PGPEP1L: variants seen among roughly 807,000 people sequenced by gnomAD.
PGPEP1L encodes pyroglutamyl-peptidase I like, also known as pyroglutamyl-peptidase 1-like protein.
In PGPEP1L, 7 loss-of-function variants were observed where a neutral mutation model predicts 6.0. That is an observed-to-expected ratio of 1.17 (90% CI 0.66 to 2.19). The LOEUF (loss-of-function observed/expected upper bound fraction) is 2.19, where lower values mean the gene tolerates loss of function less well. Ranked by LOEUF, PGPEP1L falls within the 30% of genes most tolerant of loss-of-function variation. PGPEP1L has a pLI of 0.00. For synonymous variants in PGPEP1L, 103 were observed against 83.9 expected (o/e 1.23, Z -1.24); for missense variants, 209 against 192.5 (o/e 1.09, Z -0.51).
Position 98,996,936 on chromosome 15 carries a change from G to A in PGPEP1L, c.-142+8493C>T, listed in dbSNP as rs11858013. On this transcript the variant is annotated intron_variant, in intron 2 of 4. Transcript: ENST00000535714. ...TAAGGGGTTTACATGTGTTAACTCC[G>A]TTAATCATCACACCTTCCCATTTCA... Among the ~76,000 whole-genome samples the A allele has an allele frequency of 5.3e-5, 8 of 152,200 alleles. No homozygotes were observed. In the South Asian group the frequency reaches 1.0e-3, roughly 20 times the overall value.
rs375184978 is a variant in PGPEP1L, at chr15:98,969,395, G to C, written c.209+30C>G. ...GACGGCCATTGCTTCTCTCCTACCT[G>C]CTCAGAGTCCTGACACCCACAGAGC... On this transcript the variant is annotated intron_variant, in intron 4 of 4. Coordinates refer to ENST00000535714, the MANE Select transcript of PGPEP1L (RefSeq NM_001167902.2). The C allele has an allele frequency of 5.0e-6, 8 of 1,612,166 alleles. No homozygotes were observed. The African/African-American group carries it at 1.1e-4, about 22-fold the overall frequency.
intron 1 of PGPEP1L, 136 bp downstream of exon 1, chr15:99,007,223 G>A (rs1377976521): frequency 6.6e-6 from 1 of 151,396 alleles, no homozygotes; most frequent in East Asian, 1.9e-4. Context: ...ACCTTGCCAT[G>A]AGTGGGATGC....
chr15:98,993,676 C>T (rs1423791430), intron 2 of PGPEP1L, among the ~76,000 whole-genome samples: 2 of 5,182 alleles, frequency 3.9e-4, no homozygotes, highest in African/African-American at 8.4e-4. Context: ...GCCTGTCAGG[C>T]GGTGGGGGGT....
At chr15:98,995,308 A>C (rs1370394608) in intron 2 of PGPEP1L, among the ~76,000 whole-genome samples, 1 of 152,110 alleles carries the variant, frequency 6.6e-6, no homozygotes, top group Admixed American at 6.6e-5. Flanking sequence ...TTTGTCTCTA[A>C]ACTTCTATAT....
intron 4 of PGPEP1L, 51 bp from the exon 5 acceptor site, chr15:98,968,748 A>C (rs2017443693): frequency 6.6e-7 from 1 of 1,505,940 alleles, no homozygotes; most frequent in African/African-American, 1.4e-5. Flanking sequence ...CTCTAACCTC[A>C]GTGAAACATA....
In PGPEP1L at chr15:99,005,676, C is replaced by T. The variant is rs2663121; in HGVS notation, c.-369-20G>A. ...AAGGATCTAGGGGAGGGTGATAAAGCAATGCCCCTTGAAAGCAGAACGATC... is the reference window on the plus strand; with the variant it reads ...AAGGATCTAGGGGAGGGTGATAAAGTAATGCCCCTTGAAAGCAGAACGATC... On this transcript the variant is annotated intron_variant, in intron 1 of 4. Transcript: ENST00000535714. The T allele has an allele frequency of 0.8, 121,510 of 152,268 alleles. 48,859 individuals are homozygous for T. Among genetic ancestry groups the T allele is most frequent in the East Asian group, 0.93 (4,827 of 5,170 alleles). The allele number at this position is 152,268 out of a possible 1,614,324, so 9.4% of individuals were successfully genotyped here.
intron 2 of PGPEP1L, among the ~76,000 whole-genome samples, chr15:98,980,567 C>T (rs2017643459): frequency 6.6e-6 from 1 of 152,174 alleles, no homozygotes; most frequent in Non-Finnish European, 1.5e-5. Flanking sequence ...AGAGGAACTC[C>T]CCCACTCGAG....
intron 4 of PGPEP1L, among the ~76,000 whole-genome samples, chr15:98,969,039 C>T (rs528291138): frequency 3.9e-5 from 6 of 152,340 alleles, no homozygotes; most frequent in South Asian, 2.1e-4. Context: ...TACTGGGGAT[C>T]GGAGTTTGGA....
intron 2 of PGPEP1L, among the ~76,000 whole-genome samples, chr15:99,004,232 G>A (rs1448384227): frequency 1.3e-5 from 2 of 151,444 alleles, no homozygotes; most frequent in Non-Finnish European, 2.9e-5. Flanking sequence ...GGAAAACCCT[G>A]TTTCTACTAA....
At chr15:99,001,952 A>C (rs1297910437) in intron 2 of PGPEP1L, among the ~76,000 whole-genome samples, 1 of 152,140 alleles carries the variant, frequency 6.6e-6, no homozygotes, top group Admixed American at 6.5e-5. Context: ...TCCTGCCCTA[A>C]GTGATCCACC....
intron 2 of PGPEP1L, among the ~76,000 whole-genome samples, chr15:98,994,020 C>T (rs1478756429): frequency 6.6e-6 from 1 of 152,176 alleles, no homozygotes; most frequent in African/African-American, 2.4e-5. Context: ...GTAATCCCAG[C>T]ACTTTGGGAG....
intron 2 of PGPEP1L, among the ~76,000 whole-genome samples, chr15:98,976,831 GATT>G (rs927008100): frequency 3.9e-5 from 6 of 152,222 alleles, no homozygotes; most frequent in African/African-American, 9.6e-5. Flanking sequence ...CATTTTTACA[GATT>G]ATTATTTTAT....
intron 2 of PGPEP1L, among the ~76,000 whole-genome samples, chr15:98,978,992 T>G (rs1051327700): frequency 4.6e-5 from 7 of 151,690 alleles, no homozygotes; most frequent in Non-Finnish European, 8.8e-5. Flanking sequence ...CCTCCCAAAC[T>G]GCCGGGATTA....
At chr15:98,986,911 G>A (rs2017754426) in intron 2 of PGPEP1L, among the ~76,000 whole-genome samples, 1 of 152,060 alleles carries the variant, frequency 6.6e-6, no homozygotes, top group Non-Finnish European at 1.5e-5. Context: ...GCTCACACCT[G>A]TAATCCCAGC....
chr15:98,995,935 TTTG>T (rs2017882453), intron 2 of PGPEP1L, among the ~76,000 whole-genome samples: 1 of 152,214 alleles, frequency 6.6e-6, no homozygotes, highest in Admixed American at 6.5e-5. Flanking sequence ...TATGTAGTCT[TTTG>T]TGACTGGTGC....
intron 2 of PGPEP1L, among the ~76,000 whole-genome samples, chr15:98,977,364 A>G (rs554249333): frequency 1.6e-4 from 25 of 152,368 alleles, no homozygotes; most frequent in African/African-American, 5.3e-4. Flanking sequence ...GTTTAGTGCC[A>G]TAAATTTCCC....
intron 2 of PGPEP1L, among the ~76,000 whole-genome samples, chr15:99,003,167 GAAAA>G (rs553942696): frequency 9.4e-6 from 1 of 106,524 alleles, no homozygotes; most frequent in African/African-American, 3.1e-5. Context: ...GAAACAGCCA[GAAAA>G]AAAAAAGGGC....
intron 2 of PGPEP1L, among the ~76,000 whole-genome samples, chr15:98,986,493 T>C (rs576778599): frequency 6.6e-6 from 1 of 152,252 alleles, no homozygotes; most frequent in Admixed American, 6.5e-5. Context: ...AACACCATAG[T>C]GAGAGGGCAT....
chr15:99,006,048 A>G lies in PGPEP1L; in HGVS notation c.-369-392T>C, dbSNP rs113159830. Among the ~76,000 whole-genome samples the G allele has an allele frequency of 8.3e-4, 127 of 152,344 alleles. 2 individuals are homozygous for G. The highest frequency in any genetic ancestry group is 2.8e-3 in the African/African-American group (116 of 41,582). On this transcript the variant is annotated intron_variant, in intron 1 of 4. Coordinates refer to ENST00000535714, the MANE Select transcript of PGPEP1L (RefSeq NM_001167902.2). ...ATATGTGAGATGTGAGCAGAAAAAA[A>G]AGAGAGAAAACCATAGATGAATCTT...
Sources: gnomAD v4.1 joint callset for allele counts (sites outside exome capture counted in the v4.1 genomes callset) on GRCh38, gnomAD v4.1.1 for gene constraint, MANE v1.5 for transcripts, NCBI Gene and HGNC (gene_info 2026-07-23, HGNC 2026-07-21) for gene names.